Variants in CLPB observed in about 807,000 individuals in gnomAD.
CLPB encodes ClpB family mitochondrial disaggregase.
CLPB carries 40 observed loss-of-function variants against 78.4 expected under a neutral mutation model. The ratio of observed to expected loss-of-function variants is 0.51; its 90% CI spans 0.40 to 0.66. The LOEUF (loss-of-function observed/expected upper bound fraction) is 0.66, where lower values mean the gene tolerates loss of function less well. Among genes scored for constraint, CLPB ranks in the 30% least tolerant of loss-of-function variants. The probability of loss-of-function intolerance (pLI) is 0.00; values close to 1 mark genes in which losing one functional copy is unlikely to be tolerated. For missense variants in CLPB, 780 were observed against 886.9 expected (o/e 0.88, Z 1.53); for synonymous variants, 333 against 348.0 (o/e 0.96, Z 0.48).
chr11:72,321,083 G>C (rs1421923763), intron 6 of CLPB, among the ~76,000 whole-genome samples: 1 of 151,494 alleles, frequency 6.6e-6, no homozygotes, highest in African/African-American at 2.4e-5. Context: ...AAATACTTGA[G>C]ATATATATAT....
At chr11:72,313,924 G>T (rs1379937261) in intron 7 of CLPB, among the ~76,000 whole-genome samples, 1 of 152,216 alleles carries the variant, frequency 6.6e-6, no homozygotes, top group Non-Finnish European at 1.5e-5. Context: ...CACAGCAAAT[G>T]ACTTCAGAAG....
intron 4 of CLPB, among the ~76,000 whole-genome samples, chr11:72,376,945 C>T (rs1854721950): frequency 6.6e-6 from 1 of 152,192 alleles, no homozygotes; most frequent in Non-Finnish European, 1.5e-5. Flanking sequence ...GCTGGGACTA[C>T]AAGCGTGAGC....
chr11:72,327,819 A>G (rs1950157116), intron 6 of CLPB, among the ~76,000 whole-genome samples: 1 of 152,178 alleles, frequency 6.6e-6, no homozygotes, highest in Non-Finnish European at 1.5e-5. Flanking sequence ...GGACAGAAAA[A>G]TCTGAACAAA....
At chr11:72,405,437 A>T (rs1188180169) in intron 2 of CLPB, among the ~76,000 whole-genome samples, 1 of 152,216 alleles carries the variant, frequency 6.6e-6, no homozygotes, top group Non-Finnish European at 1.5e-5. Context: ...TACACTCTCA[A>T]AAACATTTTT....
chr11:72,415,450 T>A (rs1429465018), intron 2 of CLPB, among the ~76,000 whole-genome samples: 1 of 152,154 alleles, frequency 6.6e-6, no homozygotes, highest in Non-Finnish European at 1.5e-5. Context: ...TACTTTCTGT[T>A]TAGTCCTGAA....
intron 2 of CLPB, among the ~76,000 whole-genome samples, chr11:72,419,580 G>C (rs1856127702): frequency 6.6e-6 from 1 of 152,130 alleles, no homozygotes; most frequent in Non-Finnish European, 1.5e-5. Context: ...CTAGGCTCCT[G>C]GCACCTTCCT....
intron 5 of CLPB, among the ~76,000 whole-genome samples, chr11:72,346,615 C>T (rs1374085564): frequency 6.6e-6 from 1 of 151,076 alleles, no homozygotes; most frequent in African/African-American, 2.4e-5. Context: ...AGATATGCCA[C>T]ACTGGCCAAA....
chr11:72,381,051 T>C (rs1854896352), intron 3 of CLPB, among the ~76,000 whole-genome samples: 2 of 152,182 alleles, frequency 1.3e-5, no homozygotes, highest in African/African-American at 4.8e-5. Context: ...TGAACAATTA[T>C]CCACATGCAA....
intron 2 of CLPB, among the ~76,000 whole-genome samples, chr11:72,424,686 A>G (rs958585477): frequency 6.6e-6 from 1 of 152,180 alleles, no homozygotes; most frequent in Admixed American, 6.5e-5. Flanking sequence ...ACGAGGTCAG[A>G]CCATCCTGGC....
At chr11:72,386,484 T>C (rs554318874) in intron 3 of CLPB, among the ~76,000 whole-genome samples, 14 of 152,370 alleles carry the variant, frequency 9.2e-5, no homozygotes, top group Middle Eastern at 6.8e-3. Context: ...CCAGTAATGT[T>C]GATGGTTTCC....
At chr11:72,410,113 C>T (rs572807681) in intron 2 of CLPB, among the ~76,000 whole-genome samples, 1 of 152,196 alleles carries the variant, frequency 6.6e-6, no homozygotes, top group African/African-American at 2.4e-5. Flanking sequence ...ACCTGTAATC[C>T]AAGCTACTCA....
At chr11:72,297,700 T>TGTGTGTGTGTGTGC (rs1294715631) in intron 11 of CLPB, among the ~76,000 whole-genome samples, 1 of 121,966 alleles carries the variant, frequency 8.2e-6, no homozygotes, top group Non-Finnish European at 1.7e-5. Flanking sequence ...TGTGTGTGTG[T>TGTGTGTGTGTGTGC]GTGACATGTC....
At chr11:72,353,274 TA>T (rs1950646732) in intron 5 of CLPB, 1 of 152,286 alleles carries the variant, frequency 6.6e-6, no homozygotes, top group East Asian at 1.9e-4. Context: ...GAGGATTCAC[TA>T]AAGTAGGTGG....
At chr11:72,320,753 G>A (rs1287221133) in intron 6 of CLPB, among the ~76,000 whole-genome samples, 5 of 151,794 alleles carry the variant, frequency 3.3e-5, no homozygotes, top group South Asian at 2.1e-4. Context: ...TCACTCTGTC[G>A]CTGAGGCTGA....
intron 4 of CLPB, among the ~76,000 whole-genome samples, chr11:72,377,968 A>C (rs780218904): frequency 1.3e-5 from 2 of 152,206 alleles, no homozygotes; most frequent in Non-Finnish European, 2.9e-5. Flanking sequence ...AATGTTTACT[A>C]TCTGGCTCTT....
chr11:72,351,632 C>A (rs2135591269), intron 5 of CLPB, among the ~76,000 whole-genome samples: 1 of 152,332 alleles, frequency 6.6e-6, no homozygotes, highest in East Asian at 1.9e-4. Context: ...AGTGCAATGG[C>A]ATGATCTTGG....
chr11:72,293,516 G>C lies in CLPB; in HGVS notation c.1885C>G (p.Gln629Glu), dbSNP rs1425978088. 1 of 1,614,154 alleles carries C rather than the reference G, an allele frequency of 6.2e-7. No individual in the cohort carries two copies. Among genetic ancestry groups the C allele is most frequent in the Admixed American group, 1.7e-5 (1 of 60,022 alleles). The change falls in exon 16 of 16, where the codon CAG (glutamine) becomes GAG (glutamate). Residue 629 changes from glutamine (Q) to glutamate (E), a missense_variant. Gln to Glu is a conservative substitution (Grantham distance 29, BLOSUM62 2). Coordinates refer to ENST00000538039, the MANE Select transcript of CLPB (RefSeq NM_001258392.3). ...GGCAGTTCTGGGCTTTTGAGTAGCT[G>C]CTTGTCTGAGTCCTCCACCGTGATG... ...LRITVEDSDK[Q>E]LLKSPELPSP...
chr11:72,405,569 G>A (rs1335490676), intron 2 of CLPB, among the ~76,000 whole-genome samples: 1 of 152,108 alleles, frequency 6.6e-6, no homozygotes. Context: ...GTGCTCCCAC[G>A]TCTAAGAGGG....
chr11:72,317,455 C>T (rs945258772), intron 6 of CLPB, among the ~76,000 whole-genome samples: 7 of 152,182 alleles, frequency 4.6e-5, no homozygotes, highest in Non-Finnish European at 7.3e-5. Context: ...GCAGATTAAC[C>T]GTGGCTCTGG....
Sources: allele counts gnomAD v4.1 joint callset (sites outside exome capture counted in the v4.1 genomes callset), GRCh38; gene constraint gnomAD v4.1.1; transcripts MANE v1.5; gene names NCBI Gene and HGNC (gene_info 2026-07-23, HGNC 2026-07-21).